Variants in ITGB2 observed in about 807,000 individuals in gnomAD.
ITGB2 encodes integrin subunit beta 2.
ITGB2 carries 56 observed loss-of-function variants against 86.8 expected under a neutral mutation model. The observed-to-expected ratio is 0.65, with a 90% CI of 0.52 to 0.81. ITGB2 has a LOEUF of 0.81. ITGB2 is among the 30% of genes least tolerant of loss of function. The pLI, the probability that ITGB2 is intolerant of heterozygous loss-of-function variation, is 0.00. For missense variants in ITGB2, 948 were observed against 1,061.2 expected, an observed-to-expected ratio of 0.89 and a Z score of 1.48; for synonymous variants, 457 against 450.4, an observed-to-expected ratio of 1.01 and a Z score of -0.19.
At chr21:44,907,540 C>A (rs1219033182) in intron 3 of ITGB2, among the ~76,000 whole-genome samples, 3 of 152,222 alleles carry the variant, frequency 2.0e-5, no homozygotes, top group Non-Finnish European at 4.4e-5. Context: ...CTGGGCCAAG[C>A]CCCTCAAAGT....
chr21:44,890,768 C>A (rs374039025), intron 11 of ITGB2, among the ~76,000 whole-genome samples: 1 of 152,240 alleles, frequency 6.6e-6, no homozygotes, highest in South Asian at 2.1e-4. Flanking sequence ...CTGCCACGGG[C>A]TCTCCTGCTC....
At chr21:44,890,293 T>C in intron 11 of ITGB2, 71 bp from the exon 12 acceptor site, 1 of 1,589,846 alleles carries the variant, frequency 6.3e-7, no homozygotes, top group East Asian at 2.2e-5. Context: ...CGCCCTGTCC[T>C]CCAGGCCCCT....
intron 8 of ITGB2, among the ~76,000 whole-genome samples, chr21:44,895,477 C>G (rs1243665842): frequency 6.6e-6 from 1 of 152,208 alleles, no homozygotes; most frequent in Non-Finnish European, 1.5e-5. Flanking sequence ...TTGCAGTGAG[C>G]TGAGATCGCA....
At chr21:44,900,187 GC>G (rs779319595) in intron 7 of ITGB2, 132 bp downstream of exon 7, 2 of 1,236,178 alleles carry the variant, frequency 1.6e-6, no homozygotes, top group Non-Finnish European at 2.3e-6. Flanking sequence ...GCCACTTGGG[GC>G]TTCCAGAAGT....
intron 2 of ITGB2, 101 bp downstream of exon 2, chr21:44,910,624 G>A: frequency 1.4e-6 from 2 of 1,465,134 alleles, no homozygotes; most frequent in Non-Finnish European, 1.9e-6. Context: ...TCCTTCCCCA[G>A]CCTCCCGGGA....
chr21:44,893,437 T>A lies in ITGB2; in HGVS notation c.1191A>T (p.Arg397Ser). ...SNGVTHRNQP[R>S]GDCDGVQINV... ...TGATCTGCACGCCATCACAGTCACCTCTGGGCTGGTTCCTGTGCGTCACTC... is the reference window on the plus strand; with the variant it reads ...TGATCTGCACGCCATCACAGTCACCACTGGGCTGGTTCCTGTGCGTCACTC... Residue 397 changes from arginine to serine, a missense_variant, in exon 10 of 16, where the codon AGA (arginine) becomes AGT (serine). By Grantham distance (110) the Arg-to-Ser change is moderately radical. Transcript: ENST00000652462. 1 of 1,614,112 alleles carries A rather than the reference T, an allele frequency of 6.2e-7. No individual in the cohort carries two copies. The highest frequency in any genetic ancestry group is 8.5e-7 in the Non-Finnish European group (1 of 1,179,988).
rs768434494 is a variant in ITGB2 at position 44,910,684 on chromosome 21, A to G, written c.58+41T>C. ...GCAGGCCCTGTTCTCCCTGATTGGAATGTCACGCGTGGAGTCCCCTCCGTG... is the reference window on the plus strand; with the variant it reads ...GCAGGCCCTGTTCTCCCTGATTGGAGTGTCACGCGTGGAGTCCCCTCCGTG... On this transcript the variant is annotated intron_variant, in intron 2 of 15. Coordinates refer to ENST00000652462, the MANE Select transcript of ITGB2 (RefSeq NM_000211.5). The G allele has an allele frequency of 7.5e-6, 12 of 1,601,518 alleles. No individual in the cohort carries two copies. In the East Asian group the frequency reaches 2.7e-4, roughly 36 times the overall value.
chr21:44,891,095 G>A (rs764108745), intron 11 of ITGB2, among the ~76,000 whole-genome samples: 2 of 152,218 alleles, frequency 1.3e-5, no homozygotes, highest in African/African-American at 2.4e-5. Context: ...GGTGACCAGA[G>A]CAAAGGGGGC....
chr21:44,911,445 TG>T (rs2084131595), intron 1 of ITGB2: 3 of 153,054 alleles, frequency 2.0e-5, no homozygotes, highest in African/African-American at 7.2e-5. Flanking sequence ...GGAGGAGAGC[TG>T]GGCTTGGCCC....
At chr21:44,910,909 G>C (rs112245103) in intron 1 of ITGB2, 124 bp from the exon 2 acceptor site, 1 of 979,636 alleles carries the variant, frequency 1.0e-6, no homozygotes, top group Admixed American at 2.0e-5. Flanking sequence ...GCAGGGGGTG[G>C]GTTAGGGTCA....
intron 5 of ITGB2, among the ~76,000 whole-genome samples, chr21:44,902,396 C>A (rs1054519816): frequency 6.6e-6 from 1 of 151,224 alleles, no homozygotes; most frequent in Non-Finnish European, 1.5e-5. Context: ...TGTGAGCGTG[C>A]ATTTGTGCAT....
upstream of ITGB2, among the ~76,000 whole-genome samples, chr21:44,923,279 G>A (rs952716145): frequency 2.6e-4 from 39 of 152,194 alleles, no homozygotes; most frequent in African/African-American, 8.9e-4. Context: ...TAGATTAAGA[G>A]ATTTAATCTC....
At chr21:44,891,270 G>A (rs1009177562) in intron 11 of ITGB2, among the ~76,000 whole-genome samples, 1 of 152,168 alleles carries the variant, frequency 6.6e-6, no homozygotes. Context: ...CGCCTGGCAG[G>A]GGGTGTGCAC....
rs1013071084 is a variant in ITGB2 at position 44,891,559 on chromosome 21, A to G, written c.1412+250T>C. On this transcript the variant is annotated intron_variant, in intron 11 of 15. Coordinates refer to ENST00000652462, the MANE Select transcript of ITGB2 (RefSeq NM_000211.5). ...ACAAGTCCCCTGCCTTGGGTCCTCC[A>G]TGGCCAGAGAGTGTAGAGTACAGGC... Among the ~76,000 whole-genome samples, 5 of 152,332 alleles carry G rather than the reference A, an allele frequency of 3.3e-5. No individual in the cohort carries two copies. In the East Asian group the frequency reaches 7.7e-4, roughly 24 times the overall value.
intron 8 of ITGB2, among the ~76,000 whole-genome samples, chr21:44,896,685 C>A (rs1010770003): frequency 5.3e-5 from 8 of 152,254 alleles, no homozygotes; most frequent in Admixed American, 4.6e-4. Context: ...CACATCCTGT[C>A]CTGCTGAGCC....
At chr21:44,890,646 G>T (rs941554343) in intron 11 of ITGB2, among the ~76,000 whole-genome samples, 2 of 152,198 alleles carry the variant, frequency 1.3e-5, no homozygotes, top group African/African-American at 4.8e-5. Context: ...GCACTGACAG[G>T]CCAGGTTGTG....
In ITGB2 at chr21:44,889,351, C is replaced by T. The variant is rs1162874060; in HGVS notation, c.1802G>A (p.Cys601Tyr). ...SGRGRCRCNVCECHSGYQLPL... is the reference protein window; with the variant it reads ...SGRGRCRCNVYECHSGYQLPL... ...CAGCTGGTAGCCTGAATGGCACTCG[C>T]ATACGTTGCAGCGGCACCGGCCACG... is the stretch of plus-strand genomic sequence containing the variant. Residue 601 changes from cysteine (C) to tyrosine (Y), a missense_variant, in exon 13 of 16, where the codon TGC becomes TAC. Cys to Tyr is a radical substitution (Grantham distance 194). Transcript: ENST00000652462. 1.2e-6 allele frequency: 2 copies of T among 1,612,796 alleles called. No homozygotes were observed. Among genetic ancestry groups the T allele is most frequent in the South Asian group, 2.2e-5 (2 of 91,092 alleles).
At chr21:44,919,854 G>C (rs1005056181) in intron 1 of ITGB2, among the ~76,000 whole-genome samples, 1 of 144,866 alleles carries the variant, frequency 6.9e-6, no homozygotes, top group African/African-American at 2.9e-5. Flanking sequence ...TGGTGCAAGG[G>C]GTGGTGCCAG....
At chr21:44,919,155 G>A (rs1464291928) in intron 1 of ITGB2, among the ~76,000 whole-genome samples, 5 of 152,174 alleles carry the variant, frequency 3.3e-5, no homozygotes, top group East Asian at 3.9e-4. Flanking sequence ...CAGCCCCCCC[G>A]GGGTCAGGTG....
Sources: allele counts gnomAD v4.1 joint callset (sites outside exome capture counted in the v4.1 genomes callset), GRCh38; gene constraint gnomAD v4.1.1; transcripts MANE v1.5; gene names NCBI Gene and HGNC (gene_info 2026-07-23, HGNC 2026-07-21).